Variants in USP25 observed in about 807,000 individuals in gnomAD.
USP25 encodes ubiquitin carboxyl-terminal hydrolase 25.
In USP25, 85 loss-of-function variants were observed where a neutral mutation model predicts 158.5. The ratio of observed to expected loss-of-function variants is 0.54; its 90% CI spans 0.45 to 0.64. The LOEUF (loss-of-function observed/expected upper bound fraction) is 0.64, where lower values mean the gene tolerates loss of function less well. Ranked by LOEUF, USP25 falls within the 30% of genes least tolerant of loss-of-function variation. The pLI is 0.00. For missense variants in USP25, 1,242 were observed against 1,327.3 expected (o/e 0.94, Z 1.00); for synonymous variants, 464 against 460.4 (o/e 1.01, Z -0.10).
chr21:15,753,293 G>T (rs552297394), intron 1 of USP25, among the ~76,000 whole-genome samples: 1 of 152,168 alleles, frequency 6.6e-6, no homozygotes, highest in Non-Finnish European at 1.5e-5. Flanking sequence ...TGCATGTTGC[G>T]AGGGTCTGTC....
intron 17 of USP25, among the ~76,000 whole-genome samples, chr21:15,842,155 T>C (rs2038365660): frequency 6.6e-6 from 1 of 152,170 alleles, no homozygotes; most frequent in Admixed American, 6.5e-5. Context: ...TACTGTGAAT[T>C]CCTTACCATA....
intron 1 of USP25, among the ~76,000 whole-genome samples, chr21:15,748,662 T>G (rs2032759544): frequency 6.6e-6 from 1 of 152,094 alleles, no homozygotes; most frequent in African/African-American, 2.4e-5. Flanking sequence ...AGGCATACAT[T>G]TATTATGTTC....
At chr21:15,798,080 G>A (rs1475161583) in intron 5 of USP25, among the ~76,000 whole-genome samples, 1 of 151,160 alleles carries the variant, frequency 6.6e-6, no homozygotes, top group South Asian at 2.1e-4. Flanking sequence ...GTGCTACTCT[G>A]TACCCCATTT....
chr21:15,866,437 G>A (rs978650775), intron 22 of USP25, 93 bp downstream of exon 22: 2 of 879,664 alleles, frequency 2.3e-6, no homozygotes, highest in Admixed American at 3.0e-5. Context: ...AGTTGAATTT[G>A]TTATGAATGA....
At chr21:15,829,546 T>G (rs898758050) in intron 14 of USP25, among the ~76,000 whole-genome samples, 2 of 152,190 alleles carry the variant, frequency 1.3e-5, no homozygotes, top group African/African-American at 4.8e-5. Context: ...GTGTTTTGAT[T>G]TGCATTCCCT....
chr21:15,848,414 C>G (rs2038728482), intron 19 of USP25, among the ~76,000 whole-genome samples: 1 of 152,068 alleles, frequency 6.6e-6, no homozygotes, highest in African/African-American at 2.4e-5. Flanking sequence ...GATCTATTGT[C>G]TTATTCTATC....
intron 1 of USP25, among the ~76,000 whole-genome samples, chr21:15,733,248 G>C (rs2031144017): frequency 6.9e-6 from 1 of 145,464 alleles, no homozygotes; most frequent in Non-Finnish European, 1.5e-5. Context: ...AGAGTGAAAT[G>C]AACAGGATAC....
At chr21:15,864,535 T>C (rs370804173) in intron 21 of USP25, 89 bp downstream of exon 21, 5 of 1,172,498 alleles carry the variant, frequency 4.3e-6, no homozygotes, top group South Asian at 3.3e-5. Context: ...GTATTTATTT[T>C]ATATATGCAT....
intron 4 of USP25, among the ~76,000 whole-genome samples, chr21:15,783,754 G>C (rs759351171): frequency 6.6e-6 from 1 of 150,460 alleles, no homozygotes; most frequent in Non-Finnish European, 1.5e-5. Flanking sequence ...TCAGGAGATC[G>C]AGACCATCTT....
At chr21:15,852,481 T>TA (rs1018512346) in intron 20 of USP25, among the ~76,000 whole-genome samples, 13 of 152,194 alleles carry the variant, frequency 8.5e-5, no homozygotes, top group African/African-American at 2.7e-4. Flanking sequence ...GTATCAATGT[T>TA]ACGCTTTTAA....
At chr21:15,858,948 T>A (rs1454118666) in intron 20 of USP25, among the ~76,000 whole-genome samples, 1 of 151,802 alleles carries the variant, frequency 6.6e-6, no homozygotes, top group East Asian at 1.9e-4. Flanking sequence ...TGTAAAGGTG[T>A]TAACTTTGAT....
intron 20 of USP25, among the ~76,000 whole-genome samples, chr21:15,851,022 C>T (rs956544410): frequency 2.6e-5 from 4 of 151,816 alleles, no homozygotes; most frequent in African/African-American, 4.8e-5. Context: ...TGTTTTAATA[C>T]ATTTCTTTAT....
chr21:15,835,943 A>G (rs1254758673), intron 17 of USP25, among the ~76,000 whole-genome samples: 2 of 152,224 alleles, frequency 1.3e-5, no homozygotes, highest in African/African-American at 4.8e-5. Flanking sequence ...ATTGAATAAG[A>G]CTAATGTTTC....
intron 3 of USP25, among the ~76,000 whole-genome samples, chr21:15,775,714 C>T (rs1157341641): frequency 1.4e-5 from 2 of 138,952 alleles, no homozygotes; most frequent in African/African-American, 5.5e-5. Context: ...AGAAAACAGC[C>T]AAAGGCAACA....
chr21:15,851,606 A>G lies in USP25; in HGVS notation c.2547+1734A>G, dbSNP rs142863330. On this transcript the variant is annotated intron_variant, in intron 20 of 25. Transcript: ENST00000400183. ...TGTATGCTATATGTGATTGAGTTAT[A>G]TTATAAATATTACTACTTTCTGTTT... is the stretch of plus-strand genomic sequence containing the variant. 2.6e-3 allele frequency among the ~76,000 whole-genome samples: 392 copies of G among 152,138 alleles called. 8 individuals carry two copies. Among genetic ancestry groups the G allele is most frequent in the Middle Eastern group, 3.4e-3 (1 of 294 alleles).
chr21:15,793,668 T>C (rs1231767685), intron 5 of USP25, among the ~76,000 whole-genome samples: 1 of 151,506 alleles, frequency 6.6e-6, no homozygotes, highest in African/African-American at 2.4e-5. Flanking sequence ...ACCTATAAGC[T>C]TAAAAATTCA....
intron 15 of USP25, 132 bp from the exon 16 acceptor site, chr21:15,831,269 C>T (rs1387565435): frequency 2.7e-6 from 2 of 753,634 alleles, no homozygotes; most frequent in Non-Finnish European, 4.3e-6. Context: ...TTAAGCCCAG[C>T]CAGTTCTCTC....
chr21:15,841,849 A>G (rs1035653395), intron 17 of USP25, among the ~76,000 whole-genome samples: 1 of 152,126 alleles, frequency 6.6e-6, no homozygotes, highest in African/African-American at 2.4e-5. Flanking sequence ...TGGATATATA[A>G]GTCTGGAACT....
In USP25 at chr21:15,772,103, TTAATA is replaced by T. The variant is rs2034390573; in HGVS notation, c.269-5794_269-5790del. ...TCACTTACATAATTCACGTTCCTAT[TTAATA>T]TAATATTTTCATGGGAAAGTGAATT... On this transcript the variant is annotated intron_variant, in intron 3 of 25. Transcript: ENST00000400183. Among the ~76,000 whole-genome samples, 3 of 152,310 alleles carry T rather than the reference TTAATA, an allele frequency of 2.0e-5. No homozygotes were observed. The South Asian group carries it at 6.2e-4, about 32-fold the overall frequency.
Sources: allele counts gnomAD v4.1 joint callset (sites outside exome capture counted in the v4.1 genomes callset), GRCh38; gene constraint gnomAD v4.1.1; transcripts MANE v1.5; gene names NCBI Gene and HGNC (gene_info 2026-07-23, HGNC 2026-07-21).